The following EDIL3 variants were observed in gnomAD, a reference collection of about 807,000 sequenced individuals.
The protein encoded by EDIL3 is EGF like and discoidin domains 3, also known as EGF-like repeat and discoidin I-like domain-containing protein 3.
Under a neutral mutation model 67.4 loss-of-function variants are expected in EDIL3, and 37 were observed. The observed-to-expected ratio is 0.55, with a 90% CI of 0.42 to 0.72. The LOEUF (loss-of-function observed/expected upper bound fraction) is 0.72. EDIL3 is among the 30% of genes least tolerant of loss of function. EDIL3 has a pLI of 0.00. For missense variants in EDIL3, 527 were observed against 586.3 expected (o/e 0.90, Z 1.04); for synonymous variants, 195 against 196.3 (o/e 0.99, Z 0.05).
chr5:84,071,798 T>C (rs1466357447), intron 6 of EDIL3, among the ~76,000 whole-genome samples: 9 of 152,156 alleles, frequency 5.9e-5, no homozygotes, highest in Non-Finnish European at 1.2e-4. Context: ...GATCAACATA[T>C]AACTATTCTA....
intron 9 of EDIL3, among the ~76,000 whole-genome samples, chr5:84,036,999 T>C (rs1045581999): frequency 6.6e-6 from 1 of 152,160 alleles, no homozygotes; most frequent in Non-Finnish European, 1.5e-5. Context: ...AAGAGGTAAC[T>C]TCAGGGCTGC....
rs969569550 is a variant in EDIL3, at chr5:84,242,100, T to C, written c.196+11984A>G. Among the ~76,000 whole-genome samples, 23 of 146,430 alleles carry C rather than the reference T, an allele frequency of 1.6e-4. No individual in the cohort carries two copies. In the South Asian group the frequency reaches 1.7e-3, roughly 11 times the overall value. On this transcript the variant is annotated intron_variant, in intron 2 of 10. Coordinates refer to ENST00000296591, the MANE Select transcript of EDIL3 (RefSeq NM_005711.5). ...AAAAAAAATTAGCCAGGCGTGGTGGTGGGCGCCTGTAGTCCCAGCTACTCG... is the reference window on the plus strand; with the variant it reads ...AAAAAAAATTAGCCAGGCGTGGTGGCGGGCGCCTGTAGTCCCAGCTACTCG...
intron 1 of EDIL3, among the ~76,000 whole-genome samples, chr5:84,340,497 A>C (rs1747081383): frequency 1.0e-5 from 1 of 96,154 alleles, no homozygotes; most frequent in Non-Finnish European, 2.1e-5. Flanking sequence ...TCACAAAGGG[A>C]AGATTACTCT....
rs1049367767 is a variant in EDIL3, at chr5:84,384,845, G to C, written c.-471C>G. On this transcript the variant is annotated 5_prime_UTR_variant, in exon 1 of 11. Coordinates refer to ENST00000296591, the MANE Select transcript of EDIL3 (RefSeq NM_005711.5). ...TGGAGGGGAGCGAGCGGGCCGCCGG[G>C]AGCGCACTGTGTACAAACAGAGGCG... is the stretch of plus-strand genomic sequence containing the variant. The C allele has an allele frequency of 6.6e-6, 1 of 152,302 alleles. No homozygotes were observed. Among genetic ancestry groups the C allele is most frequent in the Non-Finnish European group, 1.5e-5 (1 of 68,178 alleles). The allele number at this position is 152,302 out of a possible 1,614,324, so 9.4% of individuals were successfully genotyped here.
chr5:84,156,947 C>A (rs567819914), intron 4 of EDIL3, among the ~76,000 whole-genome samples: 3 of 151,970 alleles, frequency 2.0e-5, no homozygotes, highest in Admixed American at 1.3e-4. Flanking sequence ...GTCATAGACA[C>A]CGAAAGAGAA....
intron 9 of EDIL3, among the ~76,000 whole-genome samples, chr5:83,976,866 G>A (rs1744885464): frequency 6.6e-6 from 1 of 151,630 alleles, no homozygotes; most frequent in African/African-American, 2.4e-5. Context: ...TCTGGAACTT[G>A]TTTCTAAAAC....
intron 1 of EDIL3, among the ~76,000 whole-genome samples, chr5:84,344,502 G>T (rs760008353): frequency 3.9e-5 from 6 of 152,110 alleles, no homozygotes; most frequent in Non-Finnish European, 5.9e-5. Flanking sequence ...AACAATTTGT[G>T]TATGTGGTCT....
At chr5:83,990,689 T>G (rs1412177207) in intron 9 of EDIL3, among the ~76,000 whole-genome samples, 1 of 151,790 alleles carries the variant, frequency 6.6e-6, no homozygotes, top group Non-Finnish European at 1.5e-5. Context: ...GAGACCAGCC[T>G]GCCCAACATG....
intron 1 of EDIL3, among the ~76,000 whole-genome samples, chr5:84,296,255 A>G (rs1746049320): frequency 6.6e-6 from 1 of 152,124 alleles, no homozygotes; most frequent in Non-Finnish European, 1.5e-5. Flanking sequence ...TAGTACTTGG[A>G]GCTCCAGGCA....
chr5:84,151,170 C>T (rs1740871970), intron 4 of EDIL3, among the ~76,000 whole-genome samples: 1 of 151,896 alleles, frequency 6.6e-6, no homozygotes, highest in Admixed American at 6.6e-5. Flanking sequence ...TTATTCTGCG[C>T]TAATTATACT....
chr5:84,246,641 T>C lies in EDIL3; in HGVS notation c.196+7443A>G, dbSNP rs370247537. 9.2e-4 allele frequency among the ~76,000 whole-genome samples: 140 copies of C among 152,326 alleles called. 1 individual carries two copies. The highest frequency in any genetic ancestry group is 3.2e-3 in the African/African-American group (131 of 41,578). ...TTCTTAATGGGTCATTGTCTTTTCTTACAAATAAAAGCTTTACCACAAACT... is the reference window on the plus strand; with the variant it reads ...TTCTTAATGGGTCATTGTCTTTTCTCACAAATAAAAGCTTTACCACAAACT... On this transcript the variant is annotated intron_variant, in intron 2 of 10. Transcript: ENST00000296591.
At chr5:84,136,563 A>C in intron 5 of EDIL3, among the ~76,000 whole-genome samples, 1 of 152,102 alleles carries the variant, frequency 6.6e-6, no homozygotes, top group Non-Finnish European at 1.5e-5. Flanking sequence ...GCATCATTTC[A>C]AGACCCTACT....
intron 9 of EDIL3, among the ~76,000 whole-genome samples, chr5:84,013,972 G>A (rs1745558006): frequency 6.6e-6 from 1 of 152,024 alleles, no homozygotes; most frequent in Non-Finnish European, 1.5e-5. Flanking sequence ...ATGGGACATG[G>A]TGCACCTTAG....
chr5:84,055,219 T>C (rs1041262951), intron 9 of EDIL3, among the ~76,000 whole-genome samples: 9 of 146,740 alleles, frequency 6.1e-5, no homozygotes, highest in Admixed American at 2.0e-4. Flanking sequence ...AAGGATTCCC[T>C]GTTTAACAAA....
rs557914418 is a variant in EDIL3, at chr5:83,979,837, C to T, written c.1138-16477G>A. Among the ~76,000 whole-genome samples, 9 of 152,102 alleles carry T rather than the reference C, an allele frequency of 5.9e-5. No homozygotes were observed. In the South Asian group the frequency reaches 1.7e-3, roughly 28 times the overall value. ...GCTCTATTGCCTCAATTTGACTCTT[C>T]GGAGGTCAAGAATTCTCTTACCATT... On this transcript the variant is annotated intron_variant, in intron 9 of 10. Coordinates refer to ENST00000296591, the MANE Select transcript of EDIL3 (RefSeq NM_005711.5).
At chr5:84,030,196 T>G (rs1045389134) in intron 9 of EDIL3, among the ~76,000 whole-genome samples, 1 of 152,244 alleles carries the variant, frequency 6.6e-6, no homozygotes, top group Non-Finnish European at 1.5e-5. Flanking sequence ...ACTTTTGTTT[T>G]TCTTTTGTGT....
intron 1 of EDIL3, among the ~76,000 whole-genome samples, chr5:84,306,617 T>A (rs1746281548): frequency 6.6e-6 from 1 of 152,164 alleles, no homozygotes; most frequent in African/African-American, 2.4e-5. Context: ...AAATCATGAG[T>A]CAAGTTTCAA....
At chr5:83,957,934 TC>T (rs1744541663) in intron 10 of EDIL3, among the ~76,000 whole-genome samples, 1 of 151,584 alleles carries the variant, frequency 6.6e-6, no homozygotes, top group Non-Finnish European at 1.5e-5. Flanking sequence ...TTCTAGATGA[TC>T]CCCCCATCTA....
intron 4 of EDIL3, among the ~76,000 whole-genome samples, chr5:84,171,311 C>T (rs1016294120): frequency 1.3e-5 from 2 of 152,094 alleles, no homozygotes; most frequent in Non-Finnish European, 2.9e-5. Flanking sequence ...CTGAGTATCA[C>T]AAAAATCACA....
Sources: allele counts gnomAD v4.1 joint callset (sites outside exome capture counted in the v4.1 genomes callset), GRCh38; gene constraint gnomAD v4.1.1; transcripts MANE v1.5; gene names NCBI Gene and HGNC (gene_info 2026-07-23, HGNC 2026-07-21).